STIM1: variants seen among roughly 807,000 people sequenced by gnomAD.
STIM1 encodes stromal interaction molecule 1.
In STIM1, 25 loss-of-function variants were observed where a neutral mutation model predicts 74.7. The observed-to-expected ratio is 0.33, with a 90% confidence interval of 0.24 to 0.47. The LOEUF is 0.47. Ranked by LOEUF, STIM1 falls within the 20% of genes least tolerant of loss-of-function variation. STIM1 has a pLI of 1.00. For missense variants in STIM1, 728 were observed against 920.8 expected, an observed-to-expected ratio of 0.79 and a Z score of 2.71; for synonymous variants, 328 against 348.8, an observed-to-expected ratio of 0.94 and a Z score of 0.66.
chr11:3,990,087 A>G (rs2093596041), intron 2 of STIM1, among the ~76,000 whole-genome samples: 1 of 152,122 alleles, frequency 6.6e-6, no homozygotes, highest in African/African-American at 2.4e-5. Context: ...CCACGAATCT[A>G]CTTTCTCTTT....
intron 7 of STIM1, among the ~76,000 whole-genome samples, chr11:4,080,938 A>G (rs1165341756): frequency 6.6e-6 from 1 of 152,142 alleles, no homozygotes; most frequent in Admixed American, 6.5e-5. Context: ...GACTTGGTAT[A>G]TTAGTCTCTA....
chr11:4,074,647 C>T lies in STIM1; in HGVS notation c.937C>T (p.Arg313Cys), dbSNP rs1248955977. 4.4e-6 allele frequency: 7 copies of T among 1,579,192 alleles called. No homozygotes were observed. Among genetic ancestry groups the T allele is most frequent in the South Asian group, 2.3e-5 (2 of 87,160 alleles). Residue 313 changes from arginine (R) to cysteine (C), a missense_variant, in exon 7 of 13, where the codon CGC becomes TGC. Physicochemically the swap from Arg to Cys is radical, Grantham distance 180. Around this residue, in one of 5 missense-constraint regions of STIM1, gnomAD observed 131 missense variants for 235.9 expected, o/e 0.56. Coordinates refer to ENST00000526596, the MANE Select transcript of STIM1 (RefSeq NM_001382567.1). Reference sequence around the variant, plus strand: ...GGAGGGTACTGAGAATGAGCGGAGCCGCCAAAAATATGCTGAGGAGGAGTT... The same window carrying T: ...GGAGGGTACTGAGAATGAGCGGAGCTGCCAAAAATATGCTGAGGAGGAGTT... ...LREGTENERS[R>C]QKYAEEELEQ... is the part of the protein sequence containing the mutation.
At chr11:3,901,099 G>T (rs920996714) in intron 1 of STIM1, among the ~76,000 whole-genome samples, 2 of 152,192 alleles carry the variant, frequency 1.3e-5, no homozygotes, top group Non-Finnish European at 2.9e-5. Flanking sequence ...GTTGAGGCAG[G>T]AGAATTGCTT....
rs2090346784 is a variant in STIM1, at chr11:3,855,903, TTCC to T, written c.-361_-359del. On this transcript the variant is annotated 5_prime_UTR_variant, in exon 1 of 13. Coordinates refer to ENST00000526596, the MANE Select transcript of STIM1 (RefSeq NM_001382567.1). Reference sequence around the variant, plus strand: ...CTCGCCTCTCTTCTCTTCTCTTCTCTTCCTCCTCCACTTCTGTGCCCGCGGAGA... The same window carrying T: ...CTCGCCTCTCTTCTCTTCTCTTCTCTTCCTCCACTTCTGTGCCCGCGGAGA... The T allele has an allele frequency of 3.5e-6, 1 of 283,300 alleles. No individual in the cohort carries two copies. Among genetic ancestry groups the T allele is most frequent in the East Asian group, 9.1e-5 (1 of 11,018 alleles). 17.5% of individuals were successfully genotyped at this position (283,300 alleles called of 1,614,324 possible).
chr11:3,880,111 C>G (rs1046792932), intron 1 of STIM1, among the ~76,000 whole-genome samples: 1 of 152,174 alleles, frequency 6.6e-6, no homozygotes, highest in Non-Finnish European at 1.5e-5. Flanking sequence ...TGAAATCTGG[C>G]TTTGCTGTTG....
chr11:4,012,666 G>A (rs747213355), intron 2 of STIM1, among the ~76,000 whole-genome samples: 1 of 152,182 alleles, frequency 6.6e-6, no homozygotes, highest in East Asian at 1.9e-4. Context: ...CATGTCATCT[G>A]CAAACAGGGA....
intron 6 of STIM1, among the ~76,000 whole-genome samples, chr11:4,073,183 C>T (rs1389118262): frequency 6.7e-6 from 1 of 149,812 alleles, no homozygotes; most frequent in Non-Finnish European, 1.5e-5. Flanking sequence ...CAAGTCTAAG[C>T]TATATATCTT....
chr11:4,089,432 T>A (rs1399215049), intron 12 of STIM1, among the ~76,000 whole-genome samples: 1 of 152,072 alleles, frequency 6.6e-6, no homozygotes, highest in Non-Finnish European at 1.5e-5. Flanking sequence ...TGCTCATTGG[T>A]TTATAATAGT....
chr11:3,946,964 G>A (rs1415337734), intron 1 of STIM1, among the ~76,000 whole-genome samples: 3 of 152,122 alleles, frequency 2.0e-5, no homozygotes, highest in Non-Finnish European at 4.4e-5. Context: ...GAGTCCTTAA[G>A]TTCTGTATTT....
rs1156301676 is a variant in STIM1 at position 3,967,656 on chromosome 11, G to C, written c.244G>C (p.Asp82His). The C allele has an allele frequency of 6.2e-7, 1 of 1,614,244 alleles. No individual in the cohort carries two copies. The highest frequency in any genetic ancestry group is 2.2e-5 in the East Asian group (1 of 44,888). ...ACTGATGGACGATGATGCCAATGGT[G>C]ATGTGGATGTGGAAGAAAGTGATGA... ...HKLMDDDANGDVDVEESDEFL... is the reference protein window; with the variant it reads ...HKLMDDDANGHVDVEESDEFL... Residue 82 changes from aspartate (D) to histidine (H), a missense_variant, in exon 2 of 13, where the codon GAT becomes CAT. Around this residue, in one of 5 missense-constraint regions of STIM1, gnomAD observed 51 missense variants for 101.1 expected, o/e 0.50. Coordinates refer to ENST00000526596, the MANE Select transcript of STIM1 (RefSeq NM_001382567.1).
At chr11:3,995,540 C>G (rs2093655529) in intron 2 of STIM1, among the ~76,000 whole-genome samples, 1 of 152,216 alleles carries the variant, frequency 6.6e-6, no homozygotes, top group South Asian at 2.1e-4. Context: ...TTGCTCTGCT[C>G]TTTTCAGCAA....
intron 1 of STIM1, chr11:3,867,132 A>T (rs1407409349): frequency 6.6e-6 from 1 of 152,222 alleles, no homozygotes; most frequent in Non-Finnish European, 1.5e-5. Flanking sequence ...TGGGATTGGG[A>T]TAGAATTCAC....
At chr11:3,983,664 T>A (rs2093528823) in intron 2 of STIM1, among the ~76,000 whole-genome samples, 2 of 152,182 alleles carry the variant, frequency 1.3e-5, no homozygotes, top group Non-Finnish European at 2.9e-5. Context: ...ATTAACCTTG[T>A]GCTCAGGGCC....
chr11:3,892,805 T>G (rs1361084342), intron 1 of STIM1: 1 of 1,613,018 alleles, frequency 6.2e-7, no homozygotes, highest in East Asian at 2.2e-5. Context: ...CTTTGGAACC[T>G]TGTCTGCAAA....
At chr11:4,012,104 C>A (rs561717121) in intron 2 of STIM1, among the ~76,000 whole-genome samples, 2 of 152,284 alleles carry the variant, frequency 1.3e-5, no homozygotes, top group East Asian at 3.9e-4. Context: ...GGTACCAGTA[C>A]CATGCTGTTT....
intron 1 of STIM1, among the ~76,000 whole-genome samples, chr11:3,865,056 T>C (rs1233376310): frequency 6.6e-6 from 1 of 152,210 alleles, no homozygotes; most frequent in Non-Finnish European, 1.5e-5. Context: ...GTACAGCCAC[T>C]GACTTTGGAG....
intron 1 of STIM1, among the ~76,000 whole-genome samples, chr11:3,883,360 G>GT (rs1554952871): frequency 6.6e-6 from 1 of 151,866 alleles, no homozygotes; most frequent in African/African-American, 2.4e-5. Context: ...TTGTTTGTTT[G>GT]TTTTTGTTTT....
At chr11:3,866,880 TTTATTA>T (rs1395128375) in intron 1 of STIM1, among the ~76,000 whole-genome samples, 1 of 152,148 alleles carries the variant, frequency 6.6e-6, no homozygotes, top group East Asian at 1.9e-4. Context: ...CTGTGCTTTA[TTTATTA>T]TTATTATTAT....
chr11:3,913,025 G>A (rs930141394), intron 1 of STIM1, among the ~76,000 whole-genome samples: 4 of 152,102 alleles, frequency 2.6e-5, no homozygotes, highest in Non-Finnish European at 5.9e-5. Context: ...GAGTGAGAAT[G>A]GCAAAGTCCC....
Sources: gnomAD v4.1 joint callset for allele counts (sites outside exome capture counted in the v4.1 genomes callset) on GRCh38, gnomAD v4.1.1 for gene constraint, gnomAD v4.1.1 regional missense constraint, MANE v1.5 for transcripts, NCBI Gene and HGNC (gene_info 2026-07-23, HGNC 2026-07-21) for gene names.